The following SIPA1L3 variants were observed in gnomAD, a reference collection of about 807,000 sequenced individuals.
SIPA1L3 encodes signal-induced proliferation-associated 1-like protein 3.
SIPA1L3 carries 59 observed loss-of-function variants against 150.1 expected under a neutral mutation model. The observed-to-expected ratio is 0.39, with a 90% confidence interval of 0.32 to 0.49. The LOEUF is 0.49. Ranked by LOEUF, SIPA1L3 falls within the 20% of genes least tolerant of loss-of-function variation. The probability of loss-of-function intolerance (pLI) is 0.86; values close to 1 mark genes in which losing one functional copy is unlikely to be tolerated. For missense variants in SIPA1L3, 2,211 were observed against 2,489.5 expected (o/e 0.89, Z 2.38); for synonymous variants, 1,070 against 1,077.6 (o/e 0.99, Z 0.14).
At chr19:38,039,387 G>T (rs932637254) in intron 2 of SIPA1L3, among the ~76,000 whole-genome samples, 2 of 135,828 alleles carry the variant, frequency 1.5e-5, no homozygotes, top group Admixed American at 7.0e-5. Context: ...GTTTGCCAGC[G>T]GGGGGTGGGG....
At chr19:38,159,314 C>T (rs1443243947) in intron 13 of SIPA1L3, among the ~76,000 whole-genome samples, 2 of 152,180 alleles carry the variant, frequency 1.3e-5, no homozygotes, top group African/African-American at 2.4e-5. Flanking sequence ...GGGCTTGCAC[C>T]GGAGGTGGCA....
At chr19:38,179,683 C>T (rs1273782417) in intron 15 of SIPA1L3, among the ~76,000 whole-genome samples, 2 of 152,000 alleles carry the variant, frequency 1.3e-5, no homozygotes, top group African/African-American at 2.4e-5. Flanking sequence ...TCATTATTGC[C>T]TTATACAGTC....
intron 13 of SIPA1L3, among the ~76,000 whole-genome samples, chr19:38,160,929 C>T (rs1972069397): frequency 6.6e-6 from 1 of 152,204 alleles, no homozygotes. Context: ...AGGGTAACAT[C>T]ACATTCAATT....
chr19:38,086,708 T>A (rs1970140110), intron 3 of SIPA1L3, among the ~76,000 whole-genome samples: 1 of 152,096 alleles, frequency 6.6e-6, no homozygotes, highest in Admixed American at 6.6e-5. Context: ...TTCAATAATA[T>A]TTGTTAAAGC....
intron 1 of SIPA1L3, among the ~76,000 whole-genome samples, chr19:37,953,040 G>T (rs1406402663): frequency 6.6e-6 from 1 of 152,150 alleles, no homozygotes; most frequent in Non-Finnish European, 1.5e-5. Context: ...GGCTAACATG[G>T]TGAAACTCCG....
intron 2 of SIPA1L3, among the ~76,000 whole-genome samples, chr19:38,029,435 G>A (rs1011403703): frequency 6.6e-6 from 1 of 152,164 alleles, no homozygotes; most frequent in African/African-American, 2.4e-5. Flanking sequence ...GCTATGCAGT[G>A]CTTCTTGGCT....
At chr19:38,089,117 C>A (rs1203917379) in intron 4 of SIPA1L3, among the ~76,000 whole-genome samples, 1 of 152,006 alleles carries the variant, frequency 6.6e-6, no homozygotes, top group East Asian at 1.9e-4. Context: ...ATCAAGAGTT[C>A]AAGACCAGCC....
At chr19:38,052,063 T>C (rs1046202643) in intron 2 of SIPA1L3, among the ~76,000 whole-genome samples, 2 of 152,160 alleles carry the variant, frequency 1.3e-5, no homozygotes, top group African/African-American at 4.8e-5. Flanking sequence ...ATCTCGAACA[T>C]TGTATCATTT....
chr19:38,101,671 A>T (rs1970507059), intron 6 of SIPA1L3, among the ~76,000 whole-genome samples: 1 of 152,174 alleles, frequency 6.6e-6, no homozygotes. Flanking sequence ...TCAGCCTCTC[A>T]AAGTGTTGGG....
In SIPA1L3 at chr19:38,110,373, C is replaced by T. The variant is rs201959023; in HGVS notation, c.2280C>T (p.Asn760=). The change falls in exon 8 of 22, where the codon AAC becomes AAT. Residue 760 remains asparagine, a synonymous_variant. Coordinates refer to ENST00000222345, the MANE Select transcript of SIPA1L3 (RefSeq NM_015073.3). ...GAGTCCACAACCCCTGCACTGATAA[C>T]GTCTGTTACAGGTATGCCCCCCACA... ...IVRVHNPCTD[N]VCYSMAVTRS... is the part of the protein sequence containing the mutation. 27 of 1,613,578 alleles carry T rather than the reference C, an allele frequency of 1.7e-5. No homozygotes were observed. In the East Asian group the frequency reaches 2.0e-4, roughly 12 times the overall value.
intron 6 of SIPA1L3, among the ~76,000 whole-genome samples, chr19:38,103,698 C>A (rs927625729): frequency 2.7e-5 from 4 of 149,814 alleles, no homozygotes; most frequent in Non-Finnish European, 1.5e-5. Context: ...CCAAGGTGGG[C>A]GGATCATGAG....
At chr19:37,927,180 G>C (rs1416739208) in intron 1 of SIPA1L3, among the ~76,000 whole-genome samples, 4 of 129,236 alleles carry the variant, frequency 3.1e-5, no homozygotes, top group Admixed American at 2.9e-4. Context: ...GTCTCGCTCT[G>C]TCACCCAGGG....
intron 2 of SIPA1L3, among the ~76,000 whole-genome samples, chr19:38,064,297 A>C (rs1364441485): frequency 6.6e-6 from 1 of 152,244 alleles, no homozygotes; most frequent in Non-Finnish European, 1.5e-5. Context: ...CCTTTGCTCA[A>C]GGTGAGCCAC....
intron 1 of SIPA1L3, among the ~76,000 whole-genome samples, chr19:38,010,666 G>A (rs1968075762): frequency 1.3e-5 from 2 of 152,042 alleles, no homozygotes; most frequent in African/African-American, 2.4e-5. Context: ...AGCCGAGATC[G>A]CACCATTGCA....
chr19:38,171,236 T>C (rs1338892084), intron 15 of SIPA1L3, among the ~76,000 whole-genome samples: 6 of 152,096 alleles, frequency 3.9e-5, no homozygotes, highest in Non-Finnish European at 4.4e-5. Context: ...CACAGGCCCT[T>C]GGGCTCAAGT....
intron 1 of SIPA1L3, among the ~76,000 whole-genome samples, chr19:37,989,793 G>A (rs1480988791): frequency 6.6e-6 from 1 of 151,354 alleles, no homozygotes; most frequent in Non-Finnish European, 1.5e-5. Context: ...AGCCTCCCCA[G>A]TAAGTAGCTG....
intron 1 of SIPA1L3, among the ~76,000 whole-genome samples, chr19:37,941,087 TACACACACACACACAC>T (rs59368800): frequency 3.1e-5 from 4 of 128,652 alleles, no homozygotes; most frequent in Admixed American, 1.5e-4. Flanking sequence ...CACACACACA[TACACACACACACACAC>T]ACACACACAC....
Position 38,164,382 on chromosome 19 carries a change from G to C in SIPA1L3, c.3781-97G>C. 1 of 1,174,484 alleles carries C rather than the reference G, an allele frequency of 8.5e-7. No homozygotes were observed. Among genetic ancestry groups the C allele is most frequent in the Admixed American group, 2.2e-5 (1 of 45,372 alleles). 72.8% of individuals were successfully genotyped at this position (1,174,484 alleles called of 1,614,324 possible). ...AGAAGCCAGGATTTGAAGCTGTCTGGTCCCAGGGTTCAGGCCCAGGCAGAG... is the reference window on the plus strand; with the variant it reads ...AGAAGCCAGGATTTGAAGCTGTCTGCTCCCAGGGTTCAGGCCCAGGCAGAG... On this transcript the variant is annotated intron_variant, in intron 14 of 21. Coordinates refer to ENST00000222345, the MANE Select transcript of SIPA1L3 (RefSeq NM_015073.3). This position sits in a 1 kb window ranked among gnomAD's most constrained non-coding sequence, Gnocchi z 4.1.
At chr19:38,044,098 G>A (rs992965847) in intron 2 of SIPA1L3, among the ~76,000 whole-genome samples, 9 of 152,146 alleles carry the variant, frequency 5.9e-5, no homozygotes, top group African/African-American at 2.2e-4. Flanking sequence ...AGAAAGAGAG[G>A]GGGCTAGGAT....
Sources: allele counts gnomAD v4.1 joint callset (sites outside exome capture counted in the v4.1 genomes callset), GRCh38; gene constraint gnomAD v4.1.1; non-coding constraint Gnocchi (gnomAD v3.1); transcripts MANE v1.5; gene names NCBI Gene and HGNC (gene_info 2026-07-23, HGNC 2026-07-21).